Variants in DNAH5 observed in about 807,000 individuals in gnomAD.
The protein encoded by DNAH5 is axonemal beta dynein heavy chain 5.
In DNAH5, 372 loss-of-function variants were observed where a neutral mutation model predicts 518.2. That is an observed-to-expected ratio of 0.72 (90% CI 0.66 to 0.78). The LOEUF (loss-of-function observed/expected upper bound fraction) is 0.78, where lower values mean the gene tolerates loss of function less well. Among genes scored for constraint, DNAH5 ranks in the 30% least tolerant of loss-of-function variants. The pLI is 0.00. For synonymous variants in DNAH5, 2,039 were observed against 2,025.9 expected (o/e 1.01, Z -0.17); for missense variants, 5,523 against 5,687.0 (o/e 0.97, Z 0.93).
At chr5:13,876,507 C>T (rs914273093) in intron 22 of DNAH5, among the ~76,000 whole-genome samples, 177 bp downstream of exon 22, 2 of 152,172 alleles carry the variant, frequency 1.3e-5, no homozygotes, top group African/African-American at 4.8e-5. Context: ...TTTCACCTTG[C>T]AATCTAGAAT....
At chr5:13,862,841 C>CAA in intron 28 of DNAH5, 94 bp from the exon 29 acceptor site, 1 of 315,488 alleles carries the variant, frequency 3.2e-6, no homozygotes, top group South Asian at 9.9e-5. Flanking sequence ...CTATTTGCTT[C>CAA]ATATATATAT....
Position 13,823,377 on chromosome 5 carries a change from A to T in DNAH5, c.6580-7T>A, listed in dbSNP as rs1272456254. ...AGGGTTCATCCTCATCAATCTAAAA[A>T]AAGAAAATGGGAAATCAGACCAATT... On this transcript the variant is annotated splice_polypyrimidine_tract_variant and splice_region_variant and intron_variant, in intron 39 of 78. Coordinates refer to ENST00000265104, the MANE Select transcript of DNAH5 (RefSeq NM_001369.3). 6.3e-7 allele frequency: 1 copy of T among 1,587,912 alleles called. No individual in the cohort carries two copies. The highest frequency in any genetic ancestry group is 1.1e-5 in the South Asian group (1 of 90,532).
chr5:13,905,758 A>G (rs944090921), intron 12 of DNAH5, among the ~76,000 whole-genome samples: 5 of 152,236 alleles, frequency 3.3e-5, no homozygotes, highest in African/African-American at 1.2e-4. Flanking sequence ...ATGATCCAGC[A>G]ATCATACTTC....
At chr5:13,824,136 TG>T in intron 39 of DNAH5, 62 bp downstream of exon 39, 1 of 1,510,424 alleles carries the variant, frequency 6.6e-7, no homozygotes. Flanking sequence ...TGAAGTCTCA[TG>T]TATGGGCAGT....
intron 12 of DNAH5, among the ~76,000 whole-genome samples, chr5:13,907,788 T>C (rs147680857): frequency 2.6e-5 from 4 of 152,338 alleles, no homozygotes; most frequent in Admixed American, 1.3e-4. Flanking sequence ...AGAAAAATTA[T>C]TTCCTTATTT....
At chr5:13,802,202 C>T (rs562982850) in intron 47 of DNAH5, among the ~76,000 whole-genome samples, 1 of 152,058 alleles carries the variant, frequency 6.6e-6, no homozygotes, top group Non-Finnish European at 1.5e-5. Context: ...TTTATGAAAC[C>T]TAAACAAGAT....
chr5:13,802,521 C>T (rs1011639708), intron 47 of DNAH5, among the ~76,000 whole-genome samples: 1 of 152,206 alleles, frequency 6.6e-6, no homozygotes, highest in Non-Finnish European at 1.5e-5. Flanking sequence ...ATCGGCTCCT[C>T]CTCCGGACTC....
In DNAH5 at chr5:13,870,993, T is replaced by C; in HGVS notation, c.3608A>G (p.Lys1203Arg). 1 of 1,613,236 alleles carries C rather than the reference T, an allele frequency of 6.2e-7. No homozygotes were observed. Residue 1203 changes from lysine (K) to arginine (R), a missense_variant, in exon 24 of 79, where the codon AAG becomes AGG. Transcript: ENST00000265104. ...GSIALYTADLKFALTAETKAW... is the reference protein window; with the variant it reads ...GSIALYTADLRFALTAETKAW... ...CTTTGTCTCAGCAGTCAGGGCGAAC[T>C]TCAAGTCAGCTGTAAAAACCCAAAT...
intron 43 of DNAH5, among the ~76,000 whole-genome samples, chr5:13,813,247 G>A (rs1309899688): frequency 3.3e-5 from 5 of 152,174 alleles, no homozygotes; most frequent in Admixed American, 3.3e-4. Context: ...TCTCAGTATG[G>A]ACAGACTATA....
At chr5:13,779,959 G>A (rs568508706) in intron 53 of DNAH5, among the ~76,000 whole-genome samples, 1 of 152,122 alleles carries the variant, frequency 6.6e-6, no homozygotes, top group South Asian at 2.1e-4. Context: ...GTCCTCCCTA[G>A]GAGCAACTCA....
At chr5:13,846,809 G>T (rs927244776) in intron 31 of DNAH5, among the ~76,000 whole-genome samples, 18 of 152,180 alleles carry the variant, frequency 1.2e-4, no homozygotes, top group Admixed American at 9.8e-4. Flanking sequence ...ACAGCCTGGA[G>T]AGTCTATTTT....
At position 13,714,630 on chromosome 5, in the gene DNAH5, A is replaced by G; in HGVS notation, c.12910-10T>C. 3.1e-6 allele frequency: 5 copies of G among 1,613,486 alleles called. No individual in the cohort carries two copies. The Middle Eastern group carries it at 8.7e-4, about 281-fold the overall frequency. ...CATAGGCAGGCAAACTCTGAACAAC[A>G]GACACCCCAGATAAGCACAGACTGC... On this transcript the variant is annotated splice_polypyrimidine_tract_variant and intron_variant, in intron 74 of 78. Coordinates refer to ENST00000265104, the MANE Select transcript of DNAH5 (RefSeq NM_001369.3).
intron 47 of DNAH5, among the ~76,000 whole-genome samples, chr5:13,797,287 T>C (rs980377337): frequency 2.6e-5 from 4 of 152,102 alleles, no homozygotes; most frequent in African/African-American, 9.7e-5. Flanking sequence ...GGAGAAAATT[T>C]TTGCAATCTA....
chr5:13,973,265 C>A (rs559946430), intron 1 of DNAH5, among the ~76,000 whole-genome samples: 23 of 152,338 alleles, frequency 1.5e-4, no homozygotes, highest in Admixed American at 3.9e-4. Flanking sequence ...CTCCTAGAAG[C>A]TCCAGAAGGA....
intron 1 of DNAH5, among the ~76,000 whole-genome samples, chr5:13,988,931 T>G (rs890603501): frequency 3.3e-5 from 5 of 151,016 alleles, no homozygotes; most frequent in African/African-American, 1.2e-4. Flanking sequence ...TTTCACCATG[T>G]TGGCCAGGCC....
chr5:13,844,518 G>T (rs1261175280), intron 32 of DNAH5, among the ~76,000 whole-genome samples: 1 of 152,138 alleles, frequency 6.6e-6, no homozygotes, highest in Non-Finnish European at 1.5e-5. Flanking sequence ...TAGTTAAGAC[G>T]CTATTTTATG....
intron 12 of DNAH5, among the ~76,000 whole-genome samples, chr5:13,907,225 G>A (rs1231612912): frequency 1.3e-5 from 2 of 152,100 alleles, no homozygotes; most frequent in Non-Finnish European, 2.9e-5. Flanking sequence ...AAGGTCAGGA[G>A]TTCGAGACCA....
intron 75 of DNAH5, 138 bp from the exon 76 acceptor site, chr5:13,708,473 A>AAAT: frequency 1.3e-6 from 1 of 786,900 alleles, no homozygotes; most frequent in Non-Finnish European, 2.0e-6. Context: ...TGCATGGCAA[A>AAAT]AAGAAAAAAA....
chr5:13,914,762 GT>G, intron 9 of DNAH5, 120 bp from the exon 10 acceptor site: 1 of 1,043,778 alleles, frequency 9.6e-7, no homozygotes. Context: ...TTGAGCTTGG[GT>G]TTATTTTTTT....
Sources: gnomAD v4.1 joint callset for allele counts (sites outside exome capture counted in the v4.1 genomes callset) on GRCh38, gnomAD v4.1.1 for gene constraint, MANE v1.5 for transcripts, NCBI Gene and HGNC (gene_info 2026-07-23, HGNC 2026-07-21) for gene names.